The following MARCHF1 variants were observed in gnomAD, a reference collection of about 807,000 sequenced individuals.
MARCHF1 encodes E3 ubiquitin-protein ligase MARCHF1.
In MARCHF1, 40 loss-of-function variants were observed where a neutral mutation model predicts 54.2. That is an observed-to-expected ratio of 0.74 (90% CI 0.57 to 0.96). The LOEUF (loss-of-function observed/expected upper bound fraction) is 0.96, where lower values mean the gene tolerates loss of function less well. Ranked by LOEUF, MARCHF1 falls within the 40% of genes least tolerant of loss-of-function variation. The probability of loss-of-function intolerance (pLI) is 0.00; values close to 1 mark genes in which losing one functional copy is unlikely to be tolerated. For synonymous variants in MARCHF1, 236 were observed against 236.3 expected (o/e 1.00, Z 0.01); for missense variants, 586 against 656.5 (o/e 0.89, Z 1.17).
At chr4:164,100,744 A>G (rs1317744476) in intron 2 of MARCHF1, among the ~76,000 whole-genome samples, 1 of 152,146 alleles carries the variant, frequency 6.6e-6, no homozygotes, top group Non-Finnish European at 1.5e-5. Context: ...TCTAAGGAAT[A>G]AGCTGGGGGA....
At chr4:163,974,104 T>G (rs1339202377) in intron 3 of MARCHF1, among the ~76,000 whole-genome samples, 1 of 152,206 alleles carries the variant, frequency 6.6e-6, no homozygotes, top group African/African-American at 2.4e-5. Context: ...AGAGTACCTA[T>G]GTGTGGTTGT....
chr4:163,790,213 T>C lies in MARCHF1; in HGVS notation c.111+63808A>G, dbSNP rs114429586. Among the ~76,000 whole-genome samples, 1,422 of 152,226 alleles carry C rather than the reference T, an allele frequency of 9.3e-3. 12 individuals carry two copies. Among genetic ancestry groups the C allele is most frequent in the African/African-American group, 0.024 (982 of 41,562 alleles). Reference sequence around the variant, plus strand: ...TAATGAGAACATTTAAAAAGAACTATGAAGCTTAATAGTACTTTATTTTCC... The same window carrying C: ...TAATGAGAACATTTAAAAAGAACTACGAAGCTTAATAGTACTTTATTTTCC... On this transcript the variant is annotated intron_variant, in intron 4 of 9. Transcript: ENST00000514618.
intron 1 of MARCHF1, among the ~76,000 whole-genome samples, chr4:164,233,248 A>C (rs1732463458): frequency 6.6e-6 from 1 of 152,000 alleles, no homozygotes; most frequent in Admixed American, 6.6e-5. Flanking sequence ...TTTCAAAAAA[A>C]AAACACATTA....
At chr4:164,314,058 G>C (rs1372539662) in intron 1 of MARCHF1, among the ~76,000 whole-genome samples, 1 of 152,138 alleles carries the variant, frequency 6.6e-6, no homozygotes, top group Non-Finnish European at 1.5e-5. Context: ...CCTTTGTTTC[G>C]AAGGTAGAGC....
intron 1 of MARCHF1, among the ~76,000 whole-genome samples, chr4:164,242,609 T>G (rs1345896516): frequency 8.6e-5 from 13 of 151,988 alleles, no homozygotes; most frequent in South Asian, 2.1e-4. Flanking sequence ...TCACCAGCAA[T>G]GGAACAAAGC....
chr4:163,914,166 A>G (rs1244569957), intron 3 of MARCHF1, among the ~76,000 whole-genome samples: 1 of 152,192 alleles, frequency 6.6e-6, no homozygotes, highest in Non-Finnish European at 1.5e-5. Context: ...CCTTGTACAA[A>G]GTACACTTCA....
At chr4:164,113,343 G>A (rs2111186719) in intron 1 of MARCHF1, among the ~76,000 whole-genome samples, 1 of 152,066 alleles carries the variant, frequency 6.6e-6, no homozygotes, top group South Asian at 2.1e-4. Flanking sequence ...TCCCCACATG[G>A]CCTTTTGAAA....
At chr4:163,777,349 C>G (rs1747335488) in intron 4 of MARCHF1, among the ~76,000 whole-genome samples, 1 of 152,154 alleles carries the variant, frequency 6.6e-6, no homozygotes, top group African/African-American at 2.4e-5. Context: ...ATGTAAAACA[C>G]AGCATAAAGT....
At chr4:164,232,749 G>T (rs1732447442) in intron 1 of MARCHF1, among the ~76,000 whole-genome samples, 1 of 151,780 alleles carries the variant, frequency 6.6e-6, no homozygotes, top group Admixed American at 6.6e-5. Flanking sequence ...ATTATTCTTT[G>T]CTTGGCTGGT....
At chr4:163,666,990 G>A (rs1743559355) in intron 5 of MARCHF1, among the ~76,000 whole-genome samples, 1 of 151,842 alleles carries the variant, frequency 6.6e-6, no homozygotes, top group Non-Finnish European at 1.5e-5. Flanking sequence ...ATATTTGGTG[G>A]CTAAAATAAT....
chr4:164,259,556 AAAAAAAAAAG>A (rs1164000568), intron 1 of MARCHF1, among the ~76,000 whole-genome samples: 12 of 140,808 alleles, frequency 8.5e-5, no homozygotes, highest in African/African-American at 2.3e-4. Flanking sequence ...AAAAAAAAAA[AAAAAAAAAAG>A]AAAAAAGAAA....
chr4:164,255,484 A>G (rs1733254351), intron 1 of MARCHF1, among the ~76,000 whole-genome samples: 1 of 151,926 alleles, frequency 6.6e-6, no homozygotes, highest in Admixed American at 6.6e-5. Flanking sequence ...CAACAACGCC[A>G]CGCATGAAAA....
intron 1 of MARCHF1, among the ~76,000 whole-genome samples, chr4:164,113,853 A>G (rs976062121): frequency 6.6e-6 from 1 of 152,000 alleles, no homozygotes; most frequent in Non-Finnish European, 1.5e-5. Context: ...GGTTATTCAA[A>G]TTGAGCACAA....
At chr4:164,310,355 C>T (rs559250554) in intron 1 of MARCHF1, among the ~76,000 whole-genome samples, 65 of 152,200 alleles carry the variant, frequency 4.3e-4, no homozygotes, top group Middle Eastern at 3.4e-3. Flanking sequence ...AGATTACAGG[C>T]GTGAGCCACC....
At chr4:164,226,461 G>A (rs376368321) in intron 1 of MARCHF1, among the ~76,000 whole-genome samples, 44 of 152,026 alleles carry the variant, frequency 2.9e-4, no homozygotes, top group African/African-American at 1.1e-3. Flanking sequence ...TGAGATGAAA[G>A]ACTGACACAA....
intron 1 of MARCHF1, among the ~76,000 whole-genome samples, chr4:164,112,598 G>C (rs1755856951): frequency 6.6e-6 from 1 of 151,850 alleles, no homozygotes; most frequent in Non-Finnish European, 1.5e-5. Flanking sequence ...TAGAGCTAAA[G>C]CAGAAATTGT....
chr4:163,602,905 A>G (rs953715268), intron 7 of MARCHF1, among the ~76,000 whole-genome samples: 12 of 152,156 alleles, frequency 7.9e-5, no homozygotes, highest in African/African-American at 2.9e-4. Context: ...CAACAGGTAG[A>G]AAATATGAGT....
At chr4:164,339,069 T>A (rs903865782) in intron 1 of MARCHF1, among the ~76,000 whole-genome samples, 1 of 152,146 alleles carries the variant, frequency 6.6e-6, no homozygotes, top group Non-Finnish European at 1.5e-5. Flanking sequence ...CACCTAAATA[T>A]ATAAATCAAA....
chr4:164,078,381 G>A (rs1198343798), intron 2 of MARCHF1, among the ~76,000 whole-genome samples: 3 of 152,160 alleles, frequency 2.0e-5, no homozygotes, highest in Non-Finnish European at 2.9e-5. Context: ...TCTGCAGGGA[G>A]TTGGGGGTTA....
Sources: allele counts gnomAD v4.1 joint callset (sites outside exome capture counted in the v4.1 genomes callset), GRCh38; gene constraint gnomAD v4.1.1; transcripts MANE v1.5; gene names NCBI Gene and HGNC (gene_info 2026-07-23, HGNC 2026-07-21).